The following ARFGAP3 variants were observed in gnomAD, a reference collection of about 807,000 sequenced individuals.
ARFGAP3 encodes ARF GTPase activating protein 3.
In ARFGAP3, 72 loss-of-function variants were observed where a neutral mutation model predicts 75.0. That is an observed-to-expected ratio of 0.96 (90% CI 0.79 to 1.17). The LOEUF is 1.17. Among genes scored for constraint, ARFGAP3 ranks in the 50% most tolerant of loss-of-function variants. The probability of loss-of-function intolerance (pLI) is 0.00; values close to 1 mark genes in which losing one functional copy is unlikely to be tolerated. For missense variants in ARFGAP3, 620 were observed against 626.6 expected (o/e 0.99, Z 0.11); for synonymous variants, 221 against 217.9 (o/e 1.01, Z -0.13).
rs528011940 is a variant in ARFGAP3 at position 42,831,788 on chromosome 22, T to G, written c.478-152A>C. The stretch of plus-strand genomic sequence containing the variant: ...AGGCATATCTACTTTTTTCTTGCTT[T>G]CTTTTTTTTTTAGAAACAGGGTCTT... On this transcript the variant is annotated intron_variant, in intron 5 of 15. Coordinates refer to ENST00000263245, the MANE Select transcript of ARFGAP3 (RefSeq NM_014570.5). The G allele has an allele frequency of 1.1e-4, 154 of 1,426,308 alleles. No individual in the cohort carries two copies. The Middle Eastern group carries it at 3.0e-3, about 27-fold the overall frequency. The allele number at this position is 1,426,308 out of a possible 1,614,324, so 88.4% of individuals were successfully genotyped here. A position where few individuals can be genotyped will look rare whatever the true frequency, so the allele number is the denominator to read the frequency against.
Position 42,847,507 on chromosome 22 carries a change from C to T in ARFGAP3, c.188+7G>A. On this transcript the variant is annotated splice_region_variant and intron_variant, in intron 2 of 15. Transcript: ENST00000263245. ...AATCTCACCCCAATGAGAGAAGATT[C>T]ACTTACCGAATAAAACTCAAGTGAA... The T allele has an allele frequency of 6.2e-7, 1 of 1,608,182 alleles. No homozygotes were observed. Among genetic ancestry groups the T allele is most frequent in the South Asian group, 1.1e-5 (1 of 90,704 alleles).
chr22:42,844,015 GA>G (rs971619042), intron 2 of ARFGAP3, among the ~76,000 whole-genome samples: 1 of 151,852 alleles, frequency 6.6e-6, no homozygotes, highest in African/African-American at 2.4e-5. Context: ...TCTAGTTAAA[GA>G]AAAAAAACTC....
intron 9 of ARFGAP3, among the ~76,000 whole-genome samples, chr22:42,820,013 G>A (rs1056210956): frequency 1.2e-4 from 18 of 152,162 alleles, no homozygotes; most frequent in African/African-American, 4.3e-4. Context: ...GTGAAGTCTG[G>A]TTGTTGCTTC....
rs1046468057 is a variant in ARFGAP3 at position 42,822,179 on chromosome 22, C to T, written c.812+91G>A. On this transcript the variant is annotated intron_variant, in intron 9 of 15. Coordinates refer to ENST00000263245, the MANE Select transcript of ARFGAP3 (RefSeq NM_014570.5). ...TTTGCAGTACCCTCCCTTCCCCCCCCACACAAAAATACATGGCATTTGGAA... is the reference window on the plus strand; with the variant it reads ...TTTGCAGTACCCTCCCTTCCCCCCCTACACAAAAATACATGGCATTTGGAA... 4.7e-6 allele frequency: 5 copies of T among 1,056,782 alleles called. No individual in the cohort carries two copies. In the Admixed American group the frequency reaches 6.5e-5, roughly 14 times the overall value. 65.5% of individuals were successfully genotyped at this position (1,056,782 alleles called of 1,614,324 possible).
chr22:42,815,938 C>A (rs1925560730), intron 11 of ARFGAP3, among the ~76,000 whole-genome samples: 1 of 152,164 alleles, frequency 6.6e-6, no homozygotes, highest in Non-Finnish European at 1.5e-5. Context: ...CATGGCGAAA[C>A]TCCATCTCTA....
chr22:42,849,401 G>A (rs1927166897), intron 1 of ARFGAP3, among the ~76,000 whole-genome samples: 2 of 152,226 alleles, frequency 1.3e-5, no homozygotes, highest in East Asian at 1.9e-4. Context: ...CGAGGACTAC[G>A]TTCCCTGCCC....
At chr22:42,810,118 C>T (rs1602096560) in intron 12 of ARFGAP3, among the ~76,000 whole-genome samples, 2 of 151,900 alleles carry the variant, frequency 1.3e-5, no homozygotes, top group South Asian at 4.2e-4. Context: ...ACACACATTT[C>T]TTTCAAGGTC....
At chr22:42,852,358 T>C (rs1927314600) in intron 1 of ARFGAP3, among the ~76,000 whole-genome samples, 1 of 149,682 alleles carries the variant, frequency 6.7e-6, no homozygotes, top group Non-Finnish European at 1.5e-5. Flanking sequence ...CCTAGCCTCA[T>C]CTTGAAATTC....
intron 3 of ARFGAP3, among the ~76,000 whole-genome samples, chr22:42,836,920 A>G (rs1004262698): frequency 5.9e-5 from 9 of 152,298 alleles, no homozygotes; most frequent in African/African-American, 2.2e-4. Flanking sequence ...ATTCAAATAC[A>G]AAAAGGATGG....
At chr22:42,808,184 G>C (rs988747956) in intron 13 of ARFGAP3, among the ~76,000 whole-genome samples, 4 of 151,880 alleles carry the variant, frequency 2.6e-5, no homozygotes, top group African/African-American at 9.7e-5. Context: ...GATCACCTGA[G>C]GTCAGGAGTT....
chr22:42,835,548 G>C (rs183167121), intron 3 of ARFGAP3, 55 bp from the exon 4 acceptor site: 2 of 1,594,056 alleles, frequency 1.3e-6, no homozygotes, highest in South Asian at 2.2e-5. Flanking sequence ...ATGGCCAGGC[G>C]CAGTGGCTCA....
chr22:42,856,968 C>CGGCCA (rs1927533649), intron 1 of ARFGAP3, 146 bp downstream of exon 1: 1 of 756,298 alleles, frequency 1.3e-6, no homozygotes, highest in Non-Finnish European at 1.7e-6. Flanking sequence ...CGCCCCGGCC[C>CGGCCA]GGCCAGGCTG....
intron 14 of ARFGAP3, among the ~76,000 whole-genome samples, chr22:42,804,414 G>A (rs1301134863): frequency 3.4e-5 from 4 of 118,066 alleles, no homozygotes; most frequent in South Asian, 5.4e-4. Flanking sequence ...ATGGAGTCTC[G>A]CTCTGTCTCC....
chr22:42,821,694 A>G (rs1406728052), intron 9 of ARFGAP3, among the ~76,000 whole-genome samples: 2 of 152,216 alleles, frequency 1.3e-5, no homozygotes, highest in Non-Finnish European at 2.9e-5. Flanking sequence ...ACATTCATGC[A>G]CGAGTTTGTG....
At position 42,808,726 on chromosome 22, in the gene ARFGAP3, C is replaced by T. The variant is rs1925234246; in HGVS notation, c.1320+41G>A. On this transcript the variant is annotated intron_variant, in intron 13 of 15. Coordinates refer to ENST00000263245, the MANE Select transcript of ARFGAP3 (RefSeq NM_014570.5). ...CAATGCCCACACCCACACTTCCTTCCTGCATTATGGGGCACCCAAAGAAAC... is the reference window on the plus strand; with the variant it reads ...CAATGCCCACACCCACACTTCCTTCTTGCATTATGGGGCACCCAAAGAAAC... 8.6e-6 allele frequency: 13 copies of T among 1,519,064 alleles called. No individual in the cohort carries two copies. The East Asian group carries it at 2.5e-4, about 30-fold the overall frequency. The allele number at this position is 1,519,064 out of a possible 1,614,324, so 94.1% of individuals were successfully genotyped here.
Position 42,810,882 on chromosome 22 carries a change from T to A in ARFGAP3, c.1127A>T (p.Asp376Val). The change falls in exon 12 of 16, where the codon GAT becomes GTT. Residue 376 changes from aspartate (D) to valine (V), a missense_variant. Asp to Val is a radical substitution (Grantham distance 152). Transcript: ENST00000263245. ...GCTGGTCTCTTTTTTCCAATAGGAA[T>A]CTGAACTGTCATCCCAGCTAGAGAA... The part of the protein sequence containing the change: ...SSFSSWDDSS[D>V]SYWKKETSKD... The A allele has an allele frequency of 6.2e-7, 1 of 1,614,222 alleles. No individual in the cohort carries two copies. Among genetic ancestry groups the A allele is most frequent in the African/African-American group, 1.3e-5 (1 of 75,054 alleles).
intron 1 of ARFGAP3, among the ~76,000 whole-genome samples, chr22:42,850,081 A>G (rs1927206765): frequency 6.6e-6 from 1 of 152,132 alleles, no homozygotes; most frequent in Non-Finnish European, 1.5e-5. Flanking sequence ...CTGACACTGA[A>G]GCCCAACAGG....
intron 3 of ARFGAP3, among the ~76,000 whole-genome samples, chr22:42,839,109 CAA>C (rs397868102): frequency 1.8e-3 from 166 of 92,042 alleles, no homozygotes; most frequent in Middle Eastern, 6.1e-3. Context: ...GATTCCGTCT[CAA>C]AAAAAAAAAA....
At chr22:42,816,318 T>C (rs921070783) in intron 11 of ARFGAP3, among the ~76,000 whole-genome samples, 3 of 152,198 alleles carry the variant, frequency 2.0e-5, no homozygotes, top group Admixed American at 2.0e-4. Context: ...GAGGAAGCTA[T>C]AGCACAAAGA....
Sources: allele counts gnomAD v4.1 joint callset (sites outside exome capture counted in the v4.1 genomes callset), GRCh38; gene constraint gnomAD v4.1.1; transcripts MANE v1.5; gene names NCBI Gene and HGNC (gene_info 2026-07-23, HGNC 2026-07-21).